Variants in DLGAP1 observed in about 807,000 individuals in gnomAD.
DLGAP1 encodes the protein DLG associated protein 1, also known as disks large-associated protein 1.
Under a neutral mutation model 90.8 loss-of-function variants are expected in DLGAP1, and 11 were observed. The ratio of observed to expected loss-of-function variants is 0.12; its 90% confidence interval spans 0.08 to 0.20. The LOEUF is 0.20. Among genes scored for constraint, DLGAP1 ranks in the 10% least tolerant of loss-of-function variants. The pLI is 1.00. For missense variants in DLGAP1, 1,050 were observed against 1,333.8 expected (o/e 0.79, Z 3.31); for synonymous variants, 558 against 540.7 (o/e 1.03, Z -0.44).
intron 5 of DLGAP1, among the ~76,000 whole-genome samples, chr18:3,764,566 A>C (rs990573461): frequency 5.9e-5 from 9 of 152,262 alleles, no homozygotes. Flanking sequence ...AGTTCCATAT[A>C]CCCCTTGTTA....
chr18:3,552,561 C>T (rs895687414), intron 9 of DLGAP1, among the ~76,000 whole-genome samples: 4 of 152,178 alleles, frequency 2.6e-5, no homozygotes, highest in African/African-American at 7.2e-5. Context: ...ACCCTGGGGG[C>T]TGAGCGAGCC....
At chr18:4,278,098 G>A (rs1038799761) in intron 1 of DLGAP1, among the ~76,000 whole-genome samples, 1 of 151,622 alleles carries the variant, frequency 6.6e-6, no homozygotes, top group Non-Finnish European at 1.5e-5. Flanking sequence ...TTTGTATTTG[G>A]TAACAATACT....
chr18:3,724,215 T>C (rs1055536193), intron 7 of DLGAP1, among the ~76,000 whole-genome samples: 1 of 152,040 alleles, frequency 6.6e-6, no homozygotes, highest in African/African-American at 2.4e-5. Context: ...GTGCCTGTGG[T>C]CCCAGCTACT....
intron 7 of DLGAP1, among the ~76,000 whole-genome samples, chr18:3,658,600 A>G (rs989957414): frequency 6.6e-6 from 1 of 152,268 alleles, no homozygotes; most frequent in Non-Finnish European, 1.5e-5. Context: ...CCTTAGAGAT[A>G]ACAGTCATTG....
intron 1 of DLGAP1, among the ~76,000 whole-genome samples, chr18:4,197,685 C>A (rs1019112760): frequency 6.6e-6 from 1 of 152,080 alleles, no homozygotes; most frequent in Non-Finnish European, 1.5e-5. Context: ...ATGATGGGTG[C>A]CACTCCAGAC....
chr18:3,700,296 A>G (rs934712304), intron 7 of DLGAP1, among the ~76,000 whole-genome samples: 31 of 152,194 alleles, frequency 2.0e-4, no homozygotes, highest in African/African-American at 7.2e-4. Flanking sequence ...TGTGAAGACC[A>G]TGGGAAAAGC....
chr18:3,951,858 T>C (rs2072992264), intron 3 of DLGAP1, among the ~76,000 whole-genome samples: 1 of 152,224 alleles, frequency 6.6e-6, no homozygotes. Context: ...GTAAGTTTCC[T>C]GAGGCTTCTC....
At chr18:3,538,707 G>T (rs910017400) in intron 9 of DLGAP1, among the ~76,000 whole-genome samples, 1 of 152,324 alleles carries the variant, frequency 6.6e-6, no homozygotes, top group Non-Finnish European at 1.5e-5. Context: ...CCAAGATCCT[G>T]TATTGCCAGA....
At chr18:3,920,955 C>T (rs1379169157) in intron 3 of DLGAP1, among the ~76,000 whole-genome samples, 2 of 152,218 alleles carry the variant, frequency 1.3e-5, no homozygotes, top group Non-Finnish European at 2.9e-5. Context: ...TTTTCAACAA[C>T]AGCTCTCGCC....
intron 1 of DLGAP1, among the ~76,000 whole-genome samples, chr18:4,202,826 A>G (rs973703437): frequency 2.6e-5 from 4 of 152,188 alleles, no homozygotes; most frequent in Admixed American, 1.3e-4. Context: ...CTGACTAGAA[A>G]GTTTTATCCT....
chr18:3,858,073 T>C (rs562838905), intron 4 of DLGAP1, among the ~76,000 whole-genome samples: 9 of 152,140 alleles, frequency 5.9e-5, no homozygotes, highest in Admixed American at 2.6e-4. Flanking sequence ...TTCAACTGAA[T>C]AGGCTTCAGG....
chr18:4,365,501 A>T (rs2081742693), intron 1 of DLGAP1, among the ~76,000 whole-genome samples: 1 of 152,174 alleles, frequency 6.6e-6, no homozygotes, highest in Non-Finnish European at 1.5e-5. Context: ...ATGTAACCCT[A>T]TAAACGTACA....
intron 3 of DLGAP1, chr18:3,983,238 T>C (rs1038254217): frequency 4.6e-5 from 7 of 152,232 alleles, no homozygotes; most frequent in Non-Finnish European, 7.4e-5. Context: ...AAAAGGTACC[T>C]TGAATTAATA....
At chr18:4,037,883 C>T (rs1412365927) in intron 2 of DLGAP1, among the ~76,000 whole-genome samples, 1 of 152,170 alleles carries the variant, frequency 6.6e-6, no homozygotes, top group African/African-American at 2.4e-5. Context: ...TCACTTGAAC[C>T]CAGGAAGCGG....
At chr18:4,023,165 A>G (rs1378668436) in intron 2 of DLGAP1, among the ~76,000 whole-genome samples, 1 of 152,216 alleles carries the variant, frequency 6.6e-6, no homozygotes, top group African/African-American at 2.4e-5. Flanking sequence ...CCTAATTTTG[A>G]AAGAGTTTGG....
chr18:4,242,660 G>A (rs528963754), intron 1 of DLGAP1, among the ~76,000 whole-genome samples: 7 of 152,308 alleles, frequency 4.6e-5, no homozygotes, highest in African/African-American at 1.7e-4. Context: ...CCCGATACCT[G>A]GTGGGCCTGT....
chr18:3,582,178 G>C lies in DLGAP1; in HGVS notation c.1662C>G (p.Phe554Leu). 6.2e-7 allele frequency: 1 copy of C among 1,614,130 alleles called. No homozygotes were observed. The highest frequency in any genetic ancestry group is 8.5e-7 in the Non-Finnish European group (1 of 1,180,032). Residue 554 changes from phenylalanine (F) to leucine (L), a missense_variant, in exon 8 of 13, where the codon TTC becomes TTG. This residue lies in a region of DLGAP1 where 565 missense variants were observed against 879.7 expected (regional missense o/e 0.64). Coordinates refer to ENST00000315677, the MANE Select transcript of DLGAP1 (RefSeq NM_004746.4). ...TGCTACTCTGGGCTGTGATAGAAATGAAAGGTTTCGTGGTAGTTCTGGGTG... is the reference window on the plus strand; with the variant it reads ...TGCTACTCTGGGCTGTGATAGAAATCAAAGGTTTCGTGGTAGTTCTGGGTG... Reference protein sequence around the residue: ...PVPPRTTTKPFISITAQSSTE... With the variant: ...PVPPRTTTKPLISITAQSSTE...
rs2049823266 is a variant in DLGAP1 at position 3,499,605 on chromosome 18, A to G, written c.2725-211T>C. 6.6e-6 allele frequency among the ~76,000 whole-genome samples: 1 copy of G among 151,728 alleles called. No homozygotes were observed. Among genetic ancestry groups the G allele is most frequent in the African/African-American group, 2.4e-5 (1 of 41,314 alleles). On this transcript the variant is annotated intron_variant, in intron 12 of 12. Coordinates refer to ENST00000315677, the MANE Select transcript of DLGAP1 (RefSeq NM_004746.4). This position sits in a 1 kb window ranked among gnomAD's most constrained non-coding sequence, Gnocchi z 6.4. ...AAAAATCCCGGTAAGCTTAAGGCCC[A>G]GGGTAAGGCTGGGTTGCAGAACTAG...
At chr18:4,155,354 A>G (rs534265776) in intron 1 of DLGAP1, among the ~76,000 whole-genome samples, 1 of 152,294 alleles carries the variant, frequency 6.6e-6, no homozygotes, top group African/African-American at 2.4e-5. Context: ...TGGGCACTCT[A>G]CGGTTCACAC....
Sources: allele counts gnomAD v4.1 joint callset (sites outside exome capture counted in the v4.1 genomes callset), GRCh38; gene constraint gnomAD v4.1.1; regional missense constraint gnomAD v4.1.1; non-coding constraint Gnocchi (gnomAD v3.1); transcripts MANE v1.5; gene names NCBI Gene and HGNC (gene_info 2026-07-23, HGNC 2026-07-21).